The following INSC variants were observed in gnomAD, a reference collection of about 807,000 sequenced individuals.
INSC encodes the protein INSC spindle orientation adaptor protein.
In INSC, 67 loss-of-function variants were observed where a neutral mutation model predicts 58.6. The ratio of observed to expected loss-of-function variants is 1.14; its 90% CI spans 0.94 to 1.40. The LOEUF is 1.40. INSC is among the 40% of genes most tolerant of loss of function. INSC has a pLI of 0.00. For synonymous variants in INSC, 262 were observed against 276.1 expected (o/e 0.95, Z 0.51); for missense variants, 714 against 692.0 (o/e 1.03, Z -0.36).
intron 1 of INSC, among the ~76,000 whole-genome samples, chr11:15,129,177 G>A (rs1261018317): frequency 6.6e-6 from 1 of 152,148 alleles, no homozygotes; most frequent in East Asian, 1.9e-4. Context: ...TGGGATCTGT[G>A]TGTGAGAGCT....
chr11:15,116,362 C>T (rs1453805202), intron 1 of INSC, among the ~76,000 whole-genome samples: 1 of 152,202 alleles, frequency 6.6e-6, no homozygotes, highest in Non-Finnish European at 1.5e-5. Context: ...TTGATTCTTT[C>T]TCTTCTTTGG....
chr11:15,124,285 C>A (rs1300025005), intron 1 of INSC, among the ~76,000 whole-genome samples: 1 of 152,124 alleles, frequency 6.6e-6, no homozygotes, highest in Non-Finnish European at 1.5e-5. Context: ...TAGGGCTGGG[C>A]TGGGTATGAT....
intron 11 of INSC, 121 bp from the exon 12 acceptor site, chr11:15,240,326 C>A: frequency 1.3e-6 from 1 of 790,640 alleles, no homozygotes; most frequent in Non-Finnish European, 2.1e-6. Context: ...CCACAGACTC[C>A]CCGAGGTGGG....
At chr11:15,226,389 A>T (rs1183592922) in intron 9 of INSC, among the ~76,000 whole-genome samples, 1 of 152,200 alleles carries the variant, frequency 6.6e-6, no homozygotes, top group Non-Finnish European at 1.5e-5. Flanking sequence ...GCTCCATGAA[A>T]GGTTTTCTTT....
chr11:15,130,554 GTTGTTC>G (rs1188873212), intron 1 of INSC, among the ~76,000 whole-genome samples: 1 of 152,038 alleles, frequency 6.6e-6, no homozygotes, highest in African/African-American at 2.4e-5. Flanking sequence ...CTTTTCTTGT[GTTGTTC>G]TTGTTCAATT....
rs189503176 is a variant in INSC at position 15,115,496 on chromosome 11, G to A, written c.-46+493G>A. 1.6e-3 allele frequency among the ~76,000 whole-genome samples: 242 copies of A among 152,298 alleles called. 1 individual carries two copies. Among genetic ancestry groups the A allele is most frequent in the African/African-American group, 5.6e-3 (234 of 41,560 alleles). On this transcript the variant is annotated intron_variant, in intron 1 of 12. Coordinates refer to ENST00000379556, the MANE Select transcript of INSC (RefSeq NM_001042536.3). ...TCCCAGCTGGGGTGTCTTCTCTGTG[G>A]GTCATTCAGCTTTGGTTTCTCAGGG...
chr11:15,176,221 A>G, intron 3 of INSC, 135 bp downstream of exon 3: 1 of 730,244 alleles, frequency 1.4e-6, no homozygotes, highest in East Asian at 2.8e-5. Context: ...AGGAGGAAAG[A>G]AAGAGAGTGG....
At chr11:15,193,062 T>G (rs1348719424) in intron 6 of INSC, among the ~76,000 whole-genome samples, 1 of 152,230 alleles carries the variant, frequency 6.6e-6, no homozygotes, top group Non-Finnish European at 1.5e-5. Context: ...AACTATCAAG[T>G]TGAATTGCAG....
At chr11:15,219,927 TA>T (rs1298910018) in intron 7 of INSC, among the ~76,000 whole-genome samples, 1 of 152,148 alleles carries the variant, frequency 6.6e-6, no homozygotes, top group Non-Finnish European at 1.5e-5. Context: ...GCCTGTTAGT[TA>T]AACACCTGGC....
In INSC at chr11:15,213,821, C is replaced by T. The variant is rs548773558; in HGVS notation, c.820-7656C>T. Among the ~76,000 whole-genome samples the T allele has an allele frequency of 1.4e-4, 22 of 152,210 alleles. No individual in the cohort carries two copies. The East Asian group carries it at 3.9e-3, about 27-fold the overall frequency. ...CTTTTAACTAAAGATTCTTGTTTGA[C>T]GTAGCAAAAGAAGTTGAGTGCTGGG... On this transcript the variant is annotated intron_variant, in intron 7 of 12. Transcript: ENST00000379556.
the INSC span, among the ~76,000 whole-genome samples, chr11:15,256,739 C>T: frequency 1.3e-5 from 2 of 152,078 alleles, no homozygotes; most frequent in African/African-American, 4.8e-5. Context: ...CCACCCACTT[C>T]GGCCTCTCAA....
In INSC at chr11:15,246,007, A is replaced by G. The variant is rs1369148229; in HGVS notation, c.1566A>G (p.Leu522=). Residue 522 remains leucine, a synonymous_variant, in exon 13 of 13, where the codon TTA becomes TTG. Coordinates refer to ENST00000379556, the MANE Select transcript of INSC (RefSeq NM_001042536.3). The stretch of plus-strand genomic sequence containing the variant: ...AGCCTCGGCTGGTGGACTCCTTCTT[A>G]CTCTGCAGCAACATGGAGGAGAGTT... ...LVQPRLVDSF[L]LCSNMEESFV 6.2e-7 allele frequency: 1 copy of G among 1,613,968 alleles called. No homozygotes were observed. Among genetic ancestry groups the G allele is most frequent in the African/African-American group, 1.3e-5 (1 of 74,900 alleles).
upstream of INSC, among the ~76,000 whole-genome samples, chr11:15,113,035 A>G (rs926639742): frequency 6.6e-6 from 1 of 151,410 alleles, no homozygotes; most frequent in Non-Finnish European, 1.5e-5. Context: ...AGAATTGGAG[A>G]CTTCTTTCCT....
At chr11:15,213,185 C>A (rs974458847) in intron 7 of INSC, among the ~76,000 whole-genome samples, 4 of 151,548 alleles carry the variant, frequency 2.6e-5, no homozygotes, top group South Asian at 2.1e-4. Flanking sequence ...ACTAATGATA[C>A]CCCCAGCACT....
Position 15,175,771 on chromosome 11 carries a change from G to C in INSC, c.87G>C (p.Gln29His), listed in dbSNP as rs759279584. ...ACCTGATGCAGGTGGACTCAGTCCAGCGCTGGATGGAAGATCTGAAGCTCA... is the reference window on the plus strand; with the variant it reads ...ACCTGATGCAGGTGGACTCAGTCCACCGCTGGATGGAAGATCTGAAGCTCA... ...RLHLMQVDSVQRWMEDLKLMT... is the reference protein window; with the variant it reads ...RLHLMQVDSVHRWMEDLKLMT... The change falls in exon 3 of 13, where the codon CAG becomes CAC. Residue 29 changes from glutamine (Q) to histidine (H), a missense_variant. Physicochemically the swap from Gln to His is conservative, Grantham distance 24. Transcript: ENST00000379556. The C allele has an allele frequency of 1.9e-6, 3 of 1,590,734 alleles. No homozygotes were observed. The East Asian group carries it at 6.8e-5, about 36-fold the overall frequency.
chr11:15,239,432 T>C (rs540630384), intron 11 of INSC, among the ~76,000 whole-genome samples: 76 of 152,360 alleles, frequency 5.0e-4, no homozygotes, highest in African/African-American at 1.7e-3. Context: ...TACTCATTAA[T>C]TTATCCTTTA....
chr11:15,229,993 A>ATATTT (rs2077962716), intron 9 of INSC, among the ~76,000 whole-genome samples: 4 of 28,450 alleles, frequency 1.4e-4, no homozygotes, highest in Admixed American at 1.3e-3. Flanking sequence ...ATATATATAT[A>ATATTT]TATATATATA....
At chr11:15,130,677 A>G (rs1001589437) in intron 1 of INSC, among the ~76,000 whole-genome samples, 1 of 152,170 alleles carries the variant, frequency 6.6e-6, no homozygotes, top group Non-Finnish European at 1.5e-5. Context: ...ATATAAACTC[A>G]TGCTTCTCTG....
At chr11:15,168,876 A>G (rs1026458857) in intron 2 of INSC, among the ~76,000 whole-genome samples, 2 of 152,174 alleles carry the variant, frequency 1.3e-5, no homozygotes, top group African/African-American at 4.8e-5. Flanking sequence ...ATGAAAATGT[A>G]TTGAACTGTA....
Sources: allele counts gnomAD v4.1 joint callset (sites outside exome capture counted in the v4.1 genomes callset), GRCh38; gene constraint gnomAD v4.1.1; transcripts MANE v1.5; gene names NCBI Gene and HGNC (gene_info 2026-07-23, HGNC 2026-07-21).